SYT12: variants seen among roughly 807,000 people sequenced by gnomAD.
SYT12 encodes synaptotagmin-12.
A neutral mutation model predicts 39.5 loss-of-function variants in SYT12; 27 were observed. The observed-to-expected ratio is 0.68, with a 90% confidence interval of 0.50 to 0.94. The LOEUF is 0.94. SYT12 is among the 40% of genes least tolerant of loss of function. SYT12 has a pLI of 0.00. For missense variants in SYT12, 536 were observed against 572.6 expected (o/e 0.94, Z 0.65); for synonymous variants, 233 against 239.7 (o/e 0.97, Z 0.26).
At chr11:67,025,843 G>A (rs558022404) in intron 1 of SYT12, among the ~76,000 whole-genome samples, 33 of 152,150 alleles carry the variant, frequency 2.2e-4, no homozygotes, top group South Asian at 2.1e-3. Context: ...TGGGTCTTAC[G>A]GGTGATGGGG....
upstream of SYT12, among the ~76,000 whole-genome samples, chr11:67,020,017 C>T (rs1950093480): frequency 1.3e-5 from 2 of 152,112 alleles, no homozygotes; most frequent in African/African-American, 4.8e-5. Flanking sequence ...TGACTCCACG[C>T]ACAGCATCTC....
intron 3 of SYT12, among the ~76,000 whole-genome samples, chr11:67,036,794 C>G (rs1375549302): frequency 1.3e-5 from 2 of 151,946 alleles, no homozygotes; most frequent in Non-Finnish European, 2.9e-5. Flanking sequence ...CAAAAATTGA[C>G]CGGGCACAGT....
intron 1 of SYT12, chr11:67,028,868 G>A (rs1950217236): frequency 1.3e-5 from 2 of 152,220 alleles, no homozygotes; most frequent in Non-Finnish European, 1.5e-5. Context: ...AAATGCAGCT[G>A]CCCTTGGGCC....
intron 3 of SYT12, among the ~76,000 whole-genome samples, chr11:67,035,627 T>C (rs1950347391): frequency 6.6e-6 from 1 of 151,010 alleles, no homozygotes; most frequent in South Asian, 2.1e-4. Context: ...CCAGCTAATT[T>C]TTTGTATTTT....
At chr11:67,048,061 G>T (rs533205433) in intron 7 of SYT12, among the ~76,000 whole-genome samples, 2 of 150,512 alleles carry the variant, frequency 1.3e-5, no homozygotes, top group East Asian at 4.2e-4. Flanking sequence ...AAAGTGCTGG[G>T]ATTACAGGCG....
At chr11:67,023,890 C>T (rs575058128) in intron 1 of SYT12, among the ~76,000 whole-genome samples, 1 of 152,206 alleles carries the variant, frequency 6.6e-6, no homozygotes, top group Admixed American at 6.5e-5. Flanking sequence ...AGGAACCGTC[C>T]CAATCTGGAG....
upstream of SYT12, among the ~76,000 whole-genome samples, chr11:67,020,314 G>A (rs1484899017): frequency 6.6e-6 from 1 of 152,188 alleles, no homozygotes; most frequent in Non-Finnish European, 1.5e-5. Context: ...CAGGAGGCAG[G>A]AGCTCAGCAG....
upstream of SYT12, among the ~76,000 whole-genome samples, chr11:67,022,341 A>C (rs1950118229): frequency 6.7e-6 from 1 of 148,632 alleles, no homozygotes; most frequent in Non-Finnish European, 1.5e-5. Flanking sequence ...TTCCTCCCCC[A>C]CCCCAGACCG....
chr11:67,017,078 C>T (rs938216293), intron 3 of SYT12, among the ~76,000 whole-genome samples: 1 of 152,190 alleles, frequency 6.6e-6, no homozygotes, highest in Non-Finnish European at 1.5e-5. Flanking sequence ...CTCCTTTAAT[C>T]GTCCTCCAAC....
intron 3 of SYT12, among the ~76,000 whole-genome samples, chr11:67,015,742 C>T (rs1464484298): frequency 1.3e-5 from 2 of 152,168 alleles, no homozygotes; most frequent in African/African-American, 4.8e-5. Flanking sequence ...TTGTGGCTTT[C>T]ACTGCTAAAA....
At chr11:67,043,949 C>A in intron 5 of SYT12, 96 bp downstream of exon 5, 1 of 1,156,504 alleles carries the variant, frequency 8.6e-7, no homozygotes, top group Non-Finnish European at 1.3e-6. Flanking sequence ...TCTGCAATAG[C>A]CTGAGCCCCA....
chr11:67,043,138 T>G (rs186852275), intron 4 of SYT12, among the ~76,000 whole-genome samples: 310 of 152,324 alleles, frequency 2.0e-3, no homozygotes, highest in Non-Finnish European at 3.8e-3. Context: ...CAGGCAGGAC[T>G]GGGCTTGGAA....
At chr11:67,035,458 CTTT>C (rs1213047598) in intron 3 of SYT12, among the ~76,000 whole-genome samples, 2 of 90,236 alleles carry the variant, frequency 2.2e-5, no homozygotes, top group South Asian at 3.1e-4. Context: ...TTTTTCTTTT[CTTT>C]TTTTTTTTTT....
At chr11:67,017,163 C>T (rs1591351464) in intron 3 of SYT12, among the ~76,000 whole-genome samples, 1 of 152,098 alleles carries the variant, frequency 6.6e-6, no homozygotes, top group East Asian at 1.9e-4. Flanking sequence ...AGCCATTGGT[C>T]CAGAATGGTA....
rs1950563246 is a variant in SYT12 at position 67,043,979 on chromosome 11, G to A, written c.837+126G>A. ...GCCCCATCATCATTAGGAGAGCAGA[G>A]AAGAAGACCTGAGCCACATCCGAGG... On this transcript the variant is annotated intron_variant, in intron 5 of 7. Coordinates refer to ENST00000527043, the MANE Select transcript of SYT12 (RefSeq NM_177963.4). 9.7e-6 allele frequency: 9 copies of A among 924,154 alleles called. No homozygotes were observed. The East Asian group carries it at 2.1e-4, about 22-fold the overall frequency. The allele number at this position is 924,154 out of a possible 1,614,324, so 57.2% of individuals were successfully genotyped here.
intron 5 of SYT12, 123 bp from the exon 6 acceptor site, chr11:67,044,470 C>T: frequency 1.4e-6 from 2 of 1,392,052 alleles, no homozygotes; most frequent in Non-Finnish European, 1.9e-6. Flanking sequence ...GGTAAGGGGC[C>T]CCCAGTGCAG....
At position 67,034,628 on chromosome 11, in the gene SYT12, C is replaced by T. The variant is rs924982615; in HGVS notation, c.35-17C>T. On this transcript the variant is annotated splice_polypyrimidine_tract_variant and intron_variant, in intron 2 of 7. Transcript: ENST00000527043. Reference sequence around the variant, plus strand: ...TCCACTAGGAAGCCCTAATGAGAGGCTGCCCTTGCCTTGCAGTCATCAAGA... The same window carrying T: ...TCCACTAGGAAGCCCTAATGAGAGGTTGCCCTTGCCTTGCAGTCATCAAGA... 1.1e-5 allele frequency: 18 copies of T among 1,572,922 alleles called. No individual in the cohort carries two copies. The highest frequency in any genetic ancestry group is 1.5e-5 in the Non-Finnish European group (18 of 1,166,128).
In SYT12 at chr11:67,043,740, A is replaced by G; in HGVS notation, c.724A>G (p.Ile242Val). Residue 242 changes from isoleucine to valine, a missense_variant, in exon 5 of 8, where the codon ATC becomes GTC. By Grantham distance (29) the Ile-to-Val change is conservative (BLOSUM62 3). Coordinates refer to ENST00000527043, the MANE Select transcript of SYT12 (RefSeq NM_177963.4). ...GAGCCTGCGGTTTTCTGTATTTGGC[A>G]TCGATGAGGATGAGCGCAACGTCAG... The part of the protein sequence containing the change: ...EKSLRFSVFG[I>V]DEDERNVSTG... 1.2e-6 allele frequency: 2 copies of G among 1,614,154 alleles called. No homozygotes were observed. The highest frequency in any genetic ancestry group is 1.7e-6 in the Non-Finnish European group (2 of 1,180,044).
chr11:67,039,851 G>T lies in SYT12; in HGVS notation c.269G>T (p.Gly90Val). Residue 90 changes from glycine (G) to valine (V), a missense_variant, in exon 4 of 8, where the codon GGA becomes GTA. Gly to Val is a moderately radical substitution (Grantham distance 109). Transcript: ENST00000527043. ...AWNAQRASTR[G>V]PPSRKGSLSI... ...AATGCCCAGCGGGCCAGCACGCGGG[G>T]ACCACCCAGCCGCAAAGGCAGTCTC... 1 of 1,612,840 alleles carries T rather than the reference G, an allele frequency of 6.2e-7. No homozygotes were observed.
Sources: gnomAD v4.1 joint callset for allele counts (sites outside exome capture counted in the v4.1 genomes callset) on GRCh38, gnomAD v4.1.1 for gene constraint, MANE v1.5 for transcripts, NCBI Gene and HGNC (gene_info 2026-07-23, HGNC 2026-07-21) for gene names.